The following FAM107B variants were observed in gnomAD, a reference collection of about 807,000 sequenced individuals.
FAM107B encodes the protein family with sequence similarity 107 member B, also known as protein FAM107B.
In FAM107B, 21 loss-of-function variants were observed where a neutral mutation model predicts 31.5. The ratio of observed to expected loss-of-function variants is 0.67; its 90% CI spans 0.47 to 0.96. FAM107B has a LOEUF of 0.96. Among genes scored for constraint, FAM107B ranks in the 40% least tolerant of loss-of-function variants. FAM107B has a pLI of 0.00. For synonymous variants in FAM107B, 157 were observed against 141.5 expected (o/e 1.11, Z -0.78); for missense variants, 452 against 377.1 (o/e 1.20, Z -1.64).
chr10:14,575,028 A>C (rs1171699944), intron 2 of FAM107B, among the ~76,000 whole-genome samples: 1 of 152,180 alleles, frequency 6.6e-6, no homozygotes, highest in African/African-American at 2.4e-5. Context: ...CACTGACTTT[A>C]CCGACCATTG....
chr10:14,627,470 T>A (rs1272163157), intron 2 of FAM107B, among the ~76,000 whole-genome samples: 1 of 152,194 alleles, frequency 6.6e-6, no homozygotes, highest in Admixed American at 6.5e-5. Context: ...GAAGATAGAA[T>A]GTAAAAAGAA....
At chr10:14,636,598 A>T (rs2131426144) in intron 2 of FAM107B, among the ~76,000 whole-genome samples, 1 of 152,200 alleles carries the variant, frequency 6.6e-6, no homozygotes, top group East Asian at 1.9e-4. Flanking sequence ...CCACTCTAAC[A>T]GCCTGATTTT....
chr10:14,573,778 C>G (rs1257997583), intron 2 of FAM107B, among the ~76,000 whole-genome samples: 3 of 151,898 alleles, frequency 2.0e-5, no homozygotes, highest in Non-Finnish European at 4.4e-5. Flanking sequence ...TGTAAATTAC[C>G]CAGTCTGTGG....
chr10:14,748,582 G>A (rs949132837), intron 1 of FAM107B, among the ~76,000 whole-genome samples: 3 of 152,198 alleles, frequency 2.0e-5, no homozygotes, highest in African/African-American at 7.2e-5. Context: ...GGAAACAGTG[G>A]CCACTAAGCA....
chr10:14,611,988 T>C (rs998508154), intron 2 of FAM107B, among the ~76,000 whole-genome samples: 3 of 152,110 alleles, frequency 2.0e-5, no homozygotes, highest in African/African-American at 7.2e-5. Flanking sequence ...TGTATGAGTA[T>C]AAATATATAT....
intron 2 of FAM107B, among the ~76,000 whole-genome samples, chr10:14,550,765 T>G (rs561007173): frequency 1.4e-4 from 21 of 152,334 alleles, no homozygotes; most frequent in African/African-American, 5.1e-4. Context: ...GGTCAGAACT[T>G]TTTTTAACAG....
At chr10:14,703,226 G>A (rs996245693) in intron 1 of FAM107B, among the ~76,000 whole-genome samples, 5 of 151,764 alleles carry the variant, frequency 3.3e-5, no homozygotes, top group African/African-American at 1.2e-4. Flanking sequence ...TTTGTCAGTT[G>A]ATTTTTCAAT....
intron 1 of FAM107B, among the ~76,000 whole-genome samples, chr10:14,771,361 G>T (rs766594058): frequency 6.6e-6 from 1 of 152,166 alleles, no homozygotes; most frequent in South Asian, 2.1e-4. Flanking sequence ...AAGAGGAGTT[G>T]GTTACTGGAT....
chr10:14,555,723 A>C (rs1849632595), intron 2 of FAM107B: 1 of 152,234 alleles, frequency 6.6e-6, no homozygotes, highest in Non-Finnish European at 1.5e-5. Flanking sequence ...ACACAGGTCT[A>C]AACGTCAGAA....
intron 2 of FAM107B, among the ~76,000 whole-genome samples, chr10:14,563,235 C>G (rs181397314): frequency 6.6e-6 from 1 of 152,226 alleles, no homozygotes; most frequent in East Asian, 1.9e-4. Context: ...TCTCTCGTAA[C>G]AAAAAATACT....
chr10:14,528,174 G>GTTTTTTT (rs34584902), intron 3 of FAM107B: 4 of 67,762 alleles, frequency 5.9e-5, no homozygotes, highest in Non-Finnish European at 7.7e-5. Context: ...TTAAGTTTTG[G>GTTTTTTT]TTTTTTTTTT....
intron 2 of FAM107B, among the ~76,000 whole-genome samples, chr10:14,607,695 G>A (rs1852628757): frequency 6.6e-6 from 1 of 152,238 alleles, no homozygotes; most frequent in Non-Finnish European, 1.5e-5. Flanking sequence ...CTGCTGGGCT[G>A]TATTTAAGAT....
intron 1 of FAM107B, among the ~76,000 whole-genome samples, chr10:14,739,097 C>G (rs907938014): frequency 6.6e-6 from 1 of 152,150 alleles, no homozygotes; most frequent in Admixed American, 6.5e-5. Context: ...TGGCAAGTGG[C>G]TTCTAAAAGG....
intron 1 of FAM107B, among the ~76,000 whole-genome samples, chr10:14,746,141 T>G (rs1832723317): frequency 6.6e-6 from 1 of 152,198 alleles, no homozygotes; most frequent in Non-Finnish European, 1.5e-5. Context: ...CTGGTTGTCA[T>G]TTGCTTGATA....
chr10:14,555,005 C>A (rs902111748), intron 2 of FAM107B, among the ~76,000 whole-genome samples: 3 of 149,370 alleles, frequency 2.0e-5, no homozygotes, highest in Non-Finnish European at 4.5e-5. Context: ...AATGTCAGAC[C>A]GAAATTATTA....
rs575107056 is a variant in FAM107B at position 14,612,971 on chromosome 10, T to A, written c.469+54663A>T. 1.8e-3 allele frequency among the ~76,000 whole-genome samples: 279 copies of A among 152,260 alleles called. 3 individuals are homozygous for A. The highest frequency in any genetic ancestry group is 6.4e-3 in the African/African-American group (267 of 41,562). On this transcript the variant is annotated intron_variant, in intron 2 of 4. Coordinates refer to ENST00000181796, the MANE Select transcript of FAM107B (RefSeq NM_031453.4). ...ATGAAATAGGTAAACTTTCTTTTTT[T>A]AATTTTATTTATTTATTTGAGACAG...
At chr10:14,656,510 G>A (rs192882615) in intron 2 of FAM107B, among the ~76,000 whole-genome samples, 1 of 152,208 alleles carries the variant, frequency 6.6e-6, no homozygotes, top group Non-Finnish European at 1.5e-5. Context: ...AAGGAGACAA[G>A]TGACTGGACA....
At position 14,521,107 on chromosome 10, in the gene FAM107B, C is replaced by A. The variant is rs1845585491; in HGVS notation, c.*83G>T. The stretch of plus-strand genomic sequence containing the variant: ...AATTCTCTGCTGGCTGAAATATTCT[C>A]CAGGGGCTTTTGCCCTGAGATTGAG... On this transcript the variant is annotated 3_prime_UTR_variant, in exon 5 of 5. Transcript: ENST00000181796. The A allele has an allele frequency of 1.9e-6, 2 of 1,070,118 alleles. No homozygotes were observed. The highest frequency in any genetic ancestry group is 2.8e-6 in the Non-Finnish European group (2 of 719,416). 66.3% of individuals were successfully genotyped at this position (1,070,118 alleles called of 1,614,324 possible). A position where few individuals can be genotyped will look rare whatever the true frequency, so the allele number is the denominator to read the frequency against.
intron 1 of FAM107B, among the ~76,000 whole-genome samples, chr10:14,765,502 C>A (rs1341002951): frequency 6.6e-6 from 1 of 152,140 alleles, no homozygotes; most frequent in Non-Finnish European, 1.5e-5. Context: ...CACGATCATG[C>A]CACTGTGTTT....
Sources: gnomAD v4.1 joint callset for allele counts (sites outside exome capture counted in the v4.1 genomes callset) on GRCh38, gnomAD v4.1.1 for gene constraint, MANE v1.5 for transcripts, NCBI Gene and HGNC (gene_info 2026-07-23, HGNC 2026-07-21) for gene names.